The following ERC2 variants were observed in gnomAD, a reference collection of about 807,000 sequenced individuals.
ERC2 encodes ELKS/RAB6-interacting/CAST family member 2, also known as ERC protein 2.
A neutral mutation model predicts 114.8 loss-of-function variants in ERC2; 42 were observed. The ratio of observed to expected loss-of-function variants is 0.37; its 90% CI spans 0.29 to 0.47. The LOEUF is 0.47. Among genes scored for constraint, ERC2 ranks in the 20% least tolerant of loss-of-function variants. The pLI is 0.99. For synonymous variants in ERC2, 454 were observed against 425.5 expected (o/e 1.07, Z -0.82); for missense variants, 939 against 1,150.7 (o/e 0.82, Z 2.66).
chr3:56,140,089 G>T (rs767669700), intron 5 of ERC2, among the ~76,000 whole-genome samples: 6 of 152,094 alleles, frequency 3.9e-5, no homozygotes, highest in Admixed American at 1.3e-4. Context: ...TCATTCAAGG[G>T]CATCATTTGA....
intron 3 of ERC2, among the ~76,000 whole-genome samples, chr3:56,223,041 G>A (rs2050019642): frequency 6.6e-6 from 1 of 152,196 alleles, no homozygotes; most frequent in South Asian, 2.1e-4. Context: ...TGACAGGAAT[G>A]AACACAGACT....
At chr3:56,144,399 A>G (rs1460833482) in intron 5 of ERC2, among the ~76,000 whole-genome samples, 1 of 152,250 alleles carries the variant, frequency 6.6e-6, no homozygotes, top group East Asian at 1.9e-4. Context: ...GCCCCAAATT[A>G]TATCCAGCTG....
chr3:55,952,177 ACACTCTCTCTCTCT>A (rs1250055746), intron 12 of ERC2, among the ~76,000 whole-genome samples: 8 of 38,674 alleles, frequency 2.1e-4, no homozygotes, highest in African/African-American at 3.0e-4. Context: ...ACACACACAC[ACACTCTCTCTCTCT>A]CTCTCTCTAT....
intron 1 of ERC2, 91 bp downstream of exon 1, chr3:56,468,157 C>A (rs1577098130): frequency 6.6e-6 from 1 of 152,030 alleles, no homozygotes; most frequent in Non-Finnish European, 1.5e-5. Context: ...TCCCCACGAG[C>A]GAGGGGGACC....
intron 2 of ERC2, among the ~76,000 whole-genome samples, chr3:56,323,989 C>T (rs1239910699): frequency 6.6e-6 from 1 of 152,184 alleles, no homozygotes; most frequent in East Asian, 1.9e-4. Context: ...AGATTGAGGA[C>T]AGCCCTGTTC....
intron 16 of ERC2, among the ~76,000 whole-genome samples, chr3:55,690,311 C>T (rs114793248): frequency 1.8e-3 from 280 of 152,188 alleles, no homozygotes; most frequent in Non-Finnish European, 2.7e-3. Flanking sequence ...CAAACATGAT[C>T]CCTATTACAT....
intron 17 of ERC2, among the ~76,000 whole-genome samples, chr3:55,588,213 G>A (rs2107594577): frequency 6.6e-6 from 1 of 152,050 alleles, no homozygotes; most frequent in East Asian, 1.9e-4. Context: ...GGCATCAAGG[G>A]CAGGCATGCT....
At chr3:55,891,560 C>A (rs1165338882) in intron 13 of ERC2, among the ~76,000 whole-genome samples, 2 of 150,188 alleles carry the variant, frequency 1.3e-5, no homozygotes, top group African/African-American at 4.9e-5. Flanking sequence ...GATTCTCCTG[C>A]CTCAGCCTCC....
At chr3:55,757,656 G>C (rs1302277985) in intron 14 of ERC2, among the ~76,000 whole-genome samples, 1 of 152,110 alleles carries the variant, frequency 6.6e-6, no homozygotes, top group Non-Finnish European at 1.5e-5. Flanking sequence ...TTAACACAGT[G>C]CTTGACACAT....
At chr3:55,729,587 C>T (rs1275382842) in intron 15 of ERC2, among the ~76,000 whole-genome samples, 2 of 151,972 alleles carry the variant, frequency 1.3e-5, no homozygotes, top group Non-Finnish European at 2.9e-5. Context: ...CTAACAATCC[C>T]CACAATTTGG....
At chr3:55,630,156 C>T (rs772314276) in intron 17 of ERC2, among the ~76,000 whole-genome samples, 4 of 152,192 alleles carry the variant, frequency 2.6e-5, no homozygotes, top group Non-Finnish European at 5.9e-5. Flanking sequence ...TCAGACAAGA[C>T]ACTTTTTGTT....
intron 2 of ERC2, among the ~76,000 whole-genome samples, chr3:56,335,614 T>C (rs1277972860): frequency 2.0e-5 from 3 of 152,194 alleles, no homozygotes; most frequent in Non-Finnish European, 4.4e-5. Flanking sequence ...ATGGAGCTTG[T>C]AAATTTTAAG....
At chr3:55,749,073 G>T (rs1170045371) in intron 14 of ERC2, among the ~76,000 whole-genome samples, 1 of 152,168 alleles carries the variant, frequency 6.6e-6, no homozygotes, top group African/African-American at 2.4e-5. Context: ...GACCACTAGA[G>T]GTAATTAACC....
At chr3:55,986,324 G>C (rs1390243100) in intron 11 of ERC2, among the ~76,000 whole-genome samples, 1 of 152,138 alleles carries the variant, frequency 6.6e-6, no homozygotes, top group Non-Finnish European at 1.5e-5. Flanking sequence ...TATTTATAGA[G>C]AAAGTTCCTA....
rs142683617 is a variant in ERC2, at chr3:56,050,467, C to T, written c.1641+30350G>A. Among the ~76,000 whole-genome samples the T allele has an allele frequency of 4.5e-3, 692 of 152,216 alleles. 5 individuals are homozygous for T. Among genetic ancestry groups the T allele is most frequent in the African/African-American group, 0.015 (612 of 41,538 alleles). On this transcript the variant is annotated intron_variant, in intron 7 of 17. Coordinates refer to ENST00000288221, the MANE Select transcript of ERC2 (RefSeq NM_015576.3). ...AAGTGTTGGGGTCAAGTGTGAAATGCGTGCGTCTCCTACAAAACCTTCCCT... is the reference window on the plus strand; with the variant it reads ...AAGTGTTGGGGTCAAGTGTGAAATGTGTGCGTCTCCTACAAAACCTTCCCT...
chr3:56,186,464 C>G (rs1285299272), intron 3 of ERC2, among the ~76,000 whole-genome samples: 1 of 152,142 alleles, frequency 6.6e-6, no homozygotes, highest in African/African-American at 2.4e-5. Context: ...CCGATGATAA[C>G]AGTATCCAAG....
intron 12 of ERC2, among the ~76,000 whole-genome samples, chr3:55,982,603 A>G (rs2070244162): frequency 6.6e-6 from 1 of 152,146 alleles, no homozygotes; most frequent in African/African-American, 2.4e-5. Flanking sequence ...TAAAAAAGAA[A>G]AATGTCACAC....
intron 15 of ERC2, among the ~76,000 whole-genome samples, chr3:55,727,895 A>G (rs2065018942): frequency 1.3e-5 from 2 of 152,228 alleles, no homozygotes; most frequent in Non-Finnish European, 2.9e-5. Flanking sequence ...GTCACTCTGT[A>G]AAAGTGTCTT....
chr3:55,640,585 C>CT (rs2148653434), intron 17 of ERC2, among the ~76,000 whole-genome samples: 1 of 152,302 alleles, frequency 6.6e-6, no homozygotes, highest in South Asian at 2.1e-4. Flanking sequence ...GAGACTGAAC[C>CT]AGTCCATGAT....
Sources: gnomAD v4.1 joint callset for allele counts (sites outside exome capture counted in the v4.1 genomes callset) on GRCh38, gnomAD v4.1.1 for gene constraint, MANE v1.5 for transcripts, NCBI Gene and HGNC (gene_info 2026-07-23, HGNC 2026-07-21) for gene names.